PLSCR4: variants seen among roughly 807,000 people sequenced by gnomAD.
PLSCR4 encodes the protein phospholipid scramblase 4.
Under a neutral mutation model 36.3 loss-of-function variants are expected in PLSCR4, and 25 were observed. That is an observed-to-expected ratio of 0.69 (90% CI 0.50 to 0.96). The LOEUF (loss-of-function observed/expected upper bound fraction) is 0.96. PLSCR4 is among the 40% of genes least tolerant of loss of function. PLSCR4 has a pLI of 0.00. For missense variants in PLSCR4, 408 were observed against 414.7 expected (o/e 0.98, Z 0.14); for synonymous variants, 122 against 132.9 (o/e 0.92, Z 0.56).
At position 146,194,357 on chromosome 3, in the gene PLSCR4, T is replaced by G; in HGVS notation, c.*54A>C. 1 of 1,210,326 alleles carries G rather than the reference T, an allele frequency of 8.3e-7. No individual in the cohort carries two copies. The highest frequency in any genetic ancestry group is 1.7e-5 in the Admixed American group (1 of 58,940). 75.0% of individuals were successfully genotyped at this position (1,210,326 alleles called of 1,614,324 possible). A position where few individuals can be genotyped will look rare whatever the true frequency, so the allele number is the denominator to read the frequency against. On this transcript the variant is annotated 3_prime_UTR_variant, in exon 9 of 9. Transcript: ENST00000354952. ...AACTGAGTGCTGACTGTAAGCCCAA[T>G]CCAACTTTTCCATTTTTCAAAATTA...
At chr3:146,240,844 G>C (rs1354485023) in intron 1 of PLSCR4, among the ~76,000 whole-genome samples, 2 of 151,874 alleles carry the variant, frequency 1.3e-5, no homozygotes, top group Admixed American at 6.6e-5. Flanking sequence ...TTTCTTTCTA[G>C]GTATATACCT....
chr3:146,202,182 A>G (rs2034082251), intron 4 of PLSCR4, among the ~76,000 whole-genome samples: 2 of 152,038 alleles, frequency 1.3e-5, no homozygotes, highest in Admixed American at 1.3e-4. Context: ...ATAAAATACC[A>G]AAAGTGACTA....
chr3:146,237,079 T>C (rs2035949586), intron 1 of PLSCR4, among the ~76,000 whole-genome samples: 1 of 152,018 alleles, frequency 6.6e-6, no homozygotes, highest in Non-Finnish European at 1.5e-5. Flanking sequence ...ATGATCCAAC[T>C]ATACGTCATA....
At chr3:146,203,972 C>A (rs1043138938) in intron 4 of PLSCR4, among the ~76,000 whole-genome samples, 3 of 152,002 alleles carry the variant, frequency 2.0e-5, no homozygotes, top group Admixed American at 1.3e-4. Flanking sequence ...AACATGCCTT[C>A]CTCATTAAGC....
intron 1 of PLSCR4, chr3:146,223,919 T>C (rs2108299759): frequency 6.8e-6 from 1 of 147,022 alleles, no homozygotes; most frequent in East Asian, 2.0e-4. Context: ...AATATTTAAA[T>C]ATAAAATAAT....
At chr3:146,208,958 C>G (rs537934106) in intron 3 of PLSCR4, among the ~76,000 whole-genome samples, 79 of 152,068 alleles carry the variant, frequency 5.2e-4, no homozygotes, top group Non-Finnish European at 1.1e-3. Flanking sequence ...CTTGCATATG[C>G]ATGTTTATAG....
Position 146,221,930 on chromosome 3 carries a change from C to T in PLSCR4, c.7+135G>A, listed in dbSNP as rs146594826. 9.5e-4 allele frequency: 409 copies of T among 428,654 alleles called. 4 individuals are homozygous for T. The highest frequency in any genetic ancestry group is 7.5e-3 in the African/African-American group (363 of 48,446). 26.6% of individuals were successfully genotyped at this position (428,654 alleles called of 1,614,324 possible). A position where few individuals can be genotyped will look rare whatever the true frequency, so the allele number is the denominator to read the frequency against. On this transcript the variant is annotated intron_variant, in intron 2 of 8. Transcript: ENST00000354952. ...AAATATATACATACATATATATATG[C>T]AAACACACACACGTATTTATATTTG... is the stretch of plus-strand genomic sequence containing the variant.
intron 1 of PLSCR4, among the ~76,000 whole-genome samples, chr3:146,242,670 A>G (rs2036199336): frequency 6.6e-6 from 1 of 152,182 alleles, no homozygotes; most frequent in Non-Finnish European, 1.5e-5. Context: ...GCCCTCTGGA[A>G]TTCTAGCCAA....
In PLSCR4 at chr3:146,192,606, A is replaced by G. The variant is rs1231612563; in HGVS notation, c.*1805T>C. ...TCTTATGCTAAATATATATAGATAT[A>G]TTTATTATGATGCAGCAGGTTTTGG... On this transcript the variant is annotated 3_prime_UTR_variant, in exon 9 of 9. Coordinates refer to ENST00000354952, the MANE Select transcript of PLSCR4 (RefSeq NM_020353.3). 1 of 151,804 alleles carries G rather than the reference A, an allele frequency of 6.6e-6. No homozygotes were observed. Among genetic ancestry groups the G allele is most frequent in the Non-Finnish European group, 1.5e-5 (1 of 67,908 alleles). 9.4% of individuals were successfully genotyped at this position (151,804 alleles called of 1,614,324 possible).
Position 146,194,437 on chromosome 3 carries a change from T to C in PLSCR4, c.964A>G (p.Arg322Gly), listed in dbSNP as rs749634067. ...TATCTTGAACGTTGTGGTGGAGATCTTTCAAAATACATGAAGTCCTGAAAT... is the reference window on the plus strand; with the variant it reads ...TATCTTGAACGTTGTGGTGGAGATCCTTCAAAATACATGAAGTCCTGAAAT... ...CFLIDFMYFE[R>G]SPPQRSR is the part of the protein sequence containing the mutation. Residue 322 changes from arginine (R) to glycine (G), a missense_variant, in exon 9 of 9, where the codon AGA (arginine) becomes GGA (glycine). Arg to Gly is a moderately radical substitution (Grantham distance 125). Coordinates refer to ENST00000354952, the MANE Select transcript of PLSCR4 (RefSeq NM_020353.3). 1.9e-6 allele frequency: 3 copies of C among 1,604,370 alleles called. No individual in the cohort carries two copies. Among genetic ancestry groups the C allele is most frequent in the Non-Finnish European group, 2.6e-6 (3 of 1,171,512 alleles).
At chr3:146,221,183 C>A (rs752768438) in intron 2 of PLSCR4, among the ~76,000 whole-genome samples, 1 of 152,144 alleles carries the variant, frequency 6.6e-6, no homozygotes. Flanking sequence ...AGCTTTCATA[C>A]TAGTGGTTCA....
At chr3:146,211,952 T>C (rs2034645161) in intron 3 of PLSCR4, among the ~76,000 whole-genome samples, 1 of 152,148 alleles carries the variant, frequency 6.6e-6, no homozygotes. Flanking sequence ...TTGACTTCTG[T>C]AGCTTTATAG....
chr3:146,234,761 C>A (rs1017280187), intron 1 of PLSCR4, among the ~76,000 whole-genome samples: 16 of 152,098 alleles, frequency 1.1e-4, no homozygotes, highest in African/African-American at 3.9e-4. Context: ...CTCAGCTAAT[C>A]CAGGAGAAAT....
intron 1 of PLSCR4, among the ~76,000 whole-genome samples, chr3:146,243,937 G>C (rs2036250062): frequency 6.6e-6 from 1 of 152,160 alleles, no homozygotes; most frequent in South Asian, 2.1e-4. Flanking sequence ...ATGAAAGCCT[G>C]CCATTGCTTA....
Position 146,229,338 on chromosome 3 carries a change from G to C in PLSCR4, c.-21-7246C>G, listed in dbSNP as rs1396193922. Among the ~76,000 whole-genome samples, 6 of 151,998 alleles carry C rather than the reference G, an allele frequency of 3.9e-5. No homozygotes were observed. In the East Asian group the frequency reaches 1.2e-3, roughly 29 times the overall value. On this transcript the variant is annotated intron_variant, in intron 1 of 8. Transcript: ENST00000354952. ...ACATCATATTTGCCTGACCTCCAGG[G>C]GGGTGGGGGCCTTGAGACTGAGTTC...
intron 1 of PLSCR4, among the ~76,000 whole-genome samples, chr3:146,247,850 G>A (rs914922035): frequency 6.6e-6 from 1 of 152,110 alleles, no homozygotes; most frequent in Non-Finnish European, 1.5e-5. Flanking sequence ...TCAAACTCCT[G>A]GGCTAAAACA....
At chr3:146,238,231 T>C (rs1412476907) in intron 1 of PLSCR4, among the ~76,000 whole-genome samples, 1 of 150,738 alleles carries the variant, frequency 6.6e-6, no homozygotes, top group African/African-American at 2.4e-5. Context: ...GTACAGATGA[T>C]TTACTTGTGC....
intron 2 of PLSCR4, among the ~76,000 whole-genome samples, chr3:146,221,351 CAACAT>C (rs982023453): frequency 1.4e-4 from 21 of 152,194 alleles, no homozygotes; most frequent in African/African-American, 5.1e-4. Context: ...AAAAGATTCA[CAACAT>C]AACACCATAA....
chr3:146,229,846 G>A (rs1207762405), intron 1 of PLSCR4, among the ~76,000 whole-genome samples: 1 of 151,836 alleles, frequency 6.6e-6, no homozygotes, highest in Admixed American at 6.6e-5. Context: ...GGATGGTCTC[G>A]ATCTCCTGAC....
Sources: gnomAD v4.1 joint callset for allele counts (sites outside exome capture counted in the v4.1 genomes callset) on GRCh38, gnomAD v4.1.1 for gene constraint, MANE v1.5 for transcripts, NCBI Gene and HGNC (gene_info 2026-07-23, HGNC 2026-07-21) for gene names.